FBXO8: variants seen among roughly 807,000 people sequenced by gnomAD.
FBXO8 encodes F-box protein 8.
Under a neutral mutation model 33.4 loss-of-function variants are expected in FBXO8, and 15 were observed. The ratio of observed to expected loss-of-function variants is 0.45; its 90% CI spans 0.30 to 0.69. The LOEUF (loss-of-function observed/expected upper bound fraction) is 0.69, where lower values mean the gene tolerates loss of function less well. Ranked by LOEUF, FBXO8 falls within the 30% of genes least tolerant of loss-of-function variation. FBXO8 has a pLI of 0.08. For missense variants in FBXO8, 274 were observed against 380.3 expected (o/e 0.72, Z 2.32); for synonymous variants, 132 against 131.5 (o/e 1.00, Z -0.02).
chr4:174,273,333 A>AG (rs1553975238), intron 1 of FBXO8, among the ~76,000 whole-genome samples: 7 of 116,098 alleles, frequency 6.0e-5, no homozygotes, highest in African/African-American at 1.3e-4. Context: ...TAAAAAAAAA[A>AG]AAAAGAAAAG....
Position 174,252,676 on chromosome 4 carries a change from C to CAT in FBXO8, c.456+7022_456+7023insAT, listed in dbSNP as rs35890245. Among the ~76,000 whole-genome samples the CAT allele has an allele frequency of 0.34, 51,750 of 151,436 alleles. 10,333 individuals carry two copies. Among genetic ancestry groups the CAT allele is most frequent in the Non-Finnish European group, 0.46 (31,206 of 67,746 alleles). On this transcript the variant is annotated intron_variant, in intron 3 of 5. Coordinates refer to ENST00000393674, the MANE Select transcript of FBXO8 (RefSeq NM_012180.3). The surrounding 1 kb of genome is among the most constrained non-coding windows in gnomAD (Gnocchi z 5.1). ...ATGCACACACACACACACACACACACGCACAGACAATACTACCTCTTTGTG... is the reference window on the plus strand; with the variant it reads ...ATGCACACACACACACACACACACACATGCACAGACAATACTACCTCTTTGTG...
rs952464696 is a variant in FBXO8, at chr4:174,278,695, T to G, written c.-9+4715A>C. 2.0e-5 allele frequency among the ~76,000 whole-genome samples: 3 copies of G among 152,098 alleles called. No homozygotes were observed. The highest frequency in any genetic ancestry group is 4.4e-5 in the Non-Finnish European group (3 of 67,954). ...ACCCACCTTCTCAGTATACACATAC[T>G]CACCTGCCCACTAACCACAAAGGCC... On this transcript the variant is annotated intron_variant, in intron 1 of 5. Coordinates refer to ENST00000393674, the MANE Select transcript of FBXO8 (RefSeq NM_012180.3). This position sits in a 1 kb window ranked among gnomAD's most constrained non-coding sequence, Gnocchi z 4.1.
At chr4:174,239,945 G>T (rs1735988269) in intron 4 of FBXO8, among the ~76,000 whole-genome samples, 1 of 151,476 alleles carries the variant, frequency 6.6e-6, no homozygotes, top group Admixed American at 6.6e-5. Context: ...TCTACCAATT[G>T]CATATAACAG....
At chr4:174,240,967 G>C (rs985181842) in intron 4 of FBXO8, 133 bp downstream of exon 4, 3 of 511,452 alleles carry the variant, frequency 5.9e-6, no homozygotes, top group Admixed American at 7.5e-5. Flanking sequence ...GTGAGATATA[G>C]GAATCTTTTC....
chr4:174,264,919 C>A (rs757376247), intron 1 of FBXO8, among the ~76,000 whole-genome samples: 1 of 151,748 alleles, frequency 6.6e-6, no homozygotes, highest in Non-Finnish European at 1.5e-5. Context: ...ACTCTTAAAC[C>A]TCAGCAGTAA....
In FBXO8 at chr4:174,278,502, T is replaced by A. The variant is rs1249531151; in HGVS notation, c.-9+4908A>T. 6.6e-6 allele frequency among the ~76,000 whole-genome samples: 1 copy of A among 152,160 alleles called. No individual in the cohort carries two copies. ...AAGAATTTTAGGCTTATTCAATTTCTGTGGTTTGTTTTTCAAGAAATGCTC... is the reference window on the plus strand; with the variant it reads ...AAGAATTTTAGGCTTATTCAATTTCAGTGGTTTGTTTTTCAAGAAATGCTC... On this transcript the variant is annotated intron_variant, in intron 1 of 5. Coordinates refer to ENST00000393674, the MANE Select transcript of FBXO8 (RefSeq NM_012180.3). The surrounding 1 kb of genome is among the most constrained non-coding windows in gnomAD (Gnocchi z 4.1).
Position 174,252,721 on chromosome 4 carries a change from A to C in FBXO8, c.456+6978T>G, listed in dbSNP as rs1265980415. On this transcript the variant is annotated intron_variant, in intron 3 of 5. Transcript: ENST00000393674. The surrounding 1 kb of genome is among the most constrained non-coding windows in gnomAD (Gnocchi z 5.1). Reference sequence around the variant, plus strand: ...TTTGTGTCTCTTTTTTAAACCTAAAAAATAGGCTAGGTATGATGACTCATT... The same window carrying C: ...TTTGTGTCTCTTTTTTAAACCTAAACAATAGGCTAGGTATGATGACTCATT... Among the ~76,000 whole-genome samples, 1 of 152,082 alleles carries C rather than the reference A, an allele frequency of 6.6e-6. No individual in the cohort carries two copies. Among genetic ancestry groups the C allele is most frequent in the African/African-American group, 2.4e-5 (1 of 41,370 alleles).
chr4:174,244,966 G>T (rs1736126483), intron 3 of FBXO8, among the ~76,000 whole-genome samples: 1 of 151,576 alleles, frequency 6.6e-6, no homozygotes, highest in Admixed American at 6.6e-5. Context: ...TTGTAAAATA[G>T]ATATATGTAT....
At position 174,236,840 on chromosome 4, in the gene FBXO8, T is replaced by C. The variant is rs1252298045; in HGVS notation, c.*572A>G. On this transcript the variant is annotated 3_prime_UTR_variant, in exon 6 of 6. Coordinates refer to ENST00000393674, the MANE Select transcript of FBXO8 (RefSeq NM_012180.3). ...TAACTGCCAGTTTTGCATAGTAATATAGTAACAAATCAACACTCTTCAAAG... is the reference window on the plus strand; with the variant it reads ...TAACTGCCAGTTTTGCATAGTAATACAGTAACAAATCAACACTCTTCAAAG... The C allele has an allele frequency of 1.3e-5, 2 of 152,072 alleles. No homozygotes were observed. Among genetic ancestry groups the C allele is most frequent in the African/African-American group, 2.4e-5 (1 of 41,430 alleles). The allele number at this position is 152,072 out of a possible 1,614,324, so 9.4% of individuals were successfully genotyped here.
Position 174,238,879 on chromosome 4 carries a change from G to GT in FBXO8, c.772+114dup, listed in dbSNP as rs1735957867. The GT allele has an allele frequency of 7.7e-6, 5 of 652,544 alleles. No homozygotes were observed. The South Asian group carries it at 1.9e-4, about 24-fold the overall frequency. The allele number at this position is 652,544 out of a possible 1,614,324, so 40.4% of individuals were successfully genotyped here. A position where few individuals can be genotyped will look rare whatever the true frequency, so the allele number is the denominator to read the frequency against. On this transcript the variant is annotated intron_variant, in intron 5 of 5. Coordinates refer to ENST00000393674, the MANE Select transcript of FBXO8 (RefSeq NM_012180.3). ...GTCACTGCTACAAACAGTAAAACAAGTATTTGTAATTACTGAGAATATTTT... is the reference window on the plus strand; with the variant it reads ...GTCACTGCTACAAACAGTAAAACAAGTTATTTGTAATTACTGAGAATATTTT...
chr4:174,238,871 T>C, intron 5 of FBXO8, 123 bp downstream of exon 5: 1 of 632,672 alleles, frequency 1.6e-6, no homozygotes. Context: ...CTACAAACAG[T>C]AAAACAAGTA....
rs528668419 is a variant in FBXO8, at chr4:174,245,741, AATAG to A, written c.457-4527_457-4524del. ...AGCACTCACTTAAAAAATAAAAATAAATAGATAGCGGGCTATACAACTGTATATG... is the reference window on the plus strand; with the variant it reads ...AGCACTCACTTAAAAAATAAAAATAAATAGCGGGCTATACAACTGTATATG... On this transcript the variant is annotated intron_variant, in intron 3 of 5. Coordinates refer to ENST00000393674, the MANE Select transcript of FBXO8 (RefSeq NM_012180.3). This position sits in a 1 kb window ranked among gnomAD's most constrained non-coding sequence, Gnocchi z 4.6. Among the ~76,000 whole-genome samples, 760 of 152,048 alleles carry A rather than the reference AATAG, an allele frequency of 5.0e-3. 5 individuals carry two copies. The highest frequency in any genetic ancestry group is 0.017 in the African/African-American group (702 of 41,502).
At position 174,272,554 on chromosome 4, in the gene FBXO8, T is replaced by A. The variant is rs750743687; in HGVS notation, c.-8-9454A>T. Among the ~76,000 whole-genome samples the A allele has an allele frequency of 1.8e-4, 27 of 152,234 alleles. No individual in the cohort carries two copies. The highest frequency in any genetic ancestry group is 3.5e-4 in the Non-Finnish European group (24 of 68,028). The stretch of plus-strand genomic sequence containing the variant: ...AAAAAAAGAATCTGTGAGTCTACAC[T>A]GATGATGATCAATAAAAACATAAAG... On this transcript the variant is annotated intron_variant, in intron 1 of 5. Coordinates refer to ENST00000393674, the MANE Select transcript of FBXO8 (RefSeq NM_012180.3). This position sits in a 1 kb window ranked among gnomAD's most constrained non-coding sequence, Gnocchi z 4.7.
chr4:174,278,360 A>G lies in FBXO8; in HGVS notation c.-9+5050T>C, dbSNP rs1737000876. ...TTAATTCAAAAAGATTTACAATATT[A>G]CTTTGTTCCCTGAAGGTTTTTTTCC... is the stretch of plus-strand genomic sequence containing the variant. On this transcript the variant is annotated intron_variant, in intron 1 of 5. Coordinates refer to ENST00000393674, the MANE Select transcript of FBXO8 (RefSeq NM_012180.3). This position sits in a 1 kb window ranked among gnomAD's most constrained non-coding sequence, Gnocchi z 4.1. Among the ~76,000 whole-genome samples the G allele has an allele frequency of 6.6e-6, 1 of 152,048 alleles. No homozygotes were observed. Among genetic ancestry groups the G allele is most frequent in the Admixed American group, 6.5e-5 (1 of 15,274 alleles).
chr4:174,269,302 C>T (rs975669068), intron 1 of FBXO8: 2 of 150,878 alleles, frequency 1.3e-5, no homozygotes, highest in Non-Finnish European at 2.9e-5. Context: ...GAAACTCTTC[C>T]TTTCCAAGGA....
chr4:174,273,832 T>C (rs1736892821), intron 1 of FBXO8, among the ~76,000 whole-genome samples: 1 of 152,206 alleles, frequency 6.6e-6, no homozygotes, highest in Admixed American at 6.5e-5. Context: ...TTTGAGTTTA[T>C]GTACTCAGTT....
intron 3 of FBXO8, among the ~76,000 whole-genome samples, chr4:174,248,431 T>G (rs1736208728): frequency 1.3e-5 from 2 of 152,166 alleles, no homozygotes; most frequent in South Asian, 4.2e-4. Context: ...GGCTCTGTGT[T>G]ACACAGAACT....
In FBXO8 at chr4:174,282,711, T is replaced by C. The variant is rs541703366; in HGVS notation, c.-9+699A>G. On this transcript the variant is annotated intron_variant, in intron 1 of 5. Coordinates refer to ENST00000393674, the MANE Select transcript of FBXO8 (RefSeq NM_012180.3). ...ATCATGATATATTCATTTGTGGATATACACCTAGGAGCCTTGAAAATGAAT... is the reference window on the plus strand; with the variant it reads ...ATCATGATATATTCATTTGTGGATACACACCTAGGAGCCTTGAAAATGAAT... Among the ~76,000 whole-genome samples, 3 of 152,300 alleles carry C rather than the reference T, an allele frequency of 2.0e-5. No individual in the cohort carries two copies. The South Asian group carries it at 6.2e-4, about 32-fold the overall frequency.
At chr4:174,260,222 A>T (rs960360292) in intron 2 of FBXO8, among the ~76,000 whole-genome samples, 6 of 152,040 alleles carry the variant, frequency 3.9e-5, no homozygotes, top group African/African-American at 1.4e-4. Flanking sequence ...GGTGATACAG[A>T]TAAGAAACAC....
Sources: allele counts gnomAD v4.1 joint callset (sites outside exome capture counted in the v4.1 genomes callset), GRCh38; gene constraint gnomAD v4.1.1; non-coding constraint Gnocchi (gnomAD v3.1); transcripts MANE v1.5; gene names NCBI Gene and HGNC (gene_info 2026-07-23, HGNC 2026-07-21).